The following CCL24 variants were observed in gnomAD, a reference collection of about 807,000 sequenced individuals.
CCL24 encodes the protein C-C motif chemokine 24.
Under a neutral mutation model 8.6 loss-of-function variants are expected in CCL24, and 6 were observed. The ratio of observed to expected loss-of-function variants is 0.70; its 90% CI spans 0.38 to 1.38. The LOEUF (loss-of-function observed/expected upper bound fraction) is 1.38. Among genes scored for constraint, CCL24 ranks in the 40% most tolerant of loss-of-function variants. The pLI is 0.02. For missense variants in CCL24, 126 were observed against 147.1 expected (o/e 0.86, Z 0.74); for synonymous variants, 59 against 52.7 (o/e 1.12, Z -0.52).
intron 2 of CCL24, 38 bp downstream of exon 2, chr7:75,813,268 C>G: frequency 2.3e-6 from 3 of 1,286,054 alleles, no homozygotes; most frequent in Non-Finnish European, 3.4e-6. Flanking sequence ...CACCTGCCCC[C>G]ACCCCTCTCC....
At chr7:75,820,106 CCTT>C (rs71534425) in intron 1 of CCL24, among the ~76,000 whole-genome samples, 15,091 of 70,758 alleles carry the variant, frequency 0.21, 2,510 homozygotes, top group Non-Finnish European at 0.26. Flanking sequence ...TCTTCTTCTT[CCTT>C]CTTCTTCTTC....
chr7:75,817,189 C>T (rs925393604), upstream of CCL24, among the ~76,000 whole-genome samples: 3 of 151,852 alleles, frequency 2.0e-5, no homozygotes, highest in African/African-American at 7.3e-5. Flanking sequence ...TATGACAGCT[C>T]TTCTAATTTT....
chr7:75,813,459 C>T (rs782384678), intron 1 of CCL24, 36 bp from the exon 2 acceptor site: 1 of 1,489,728 alleles, frequency 6.7e-7, no homozygotes, highest in Middle Eastern at 1.9e-4. Context: ...ACGTCTTTTC[C>T]CAGCCTCCCC....
chr7:75,819,684 G>T (rs1803983193), intron 1 of CCL24, among the ~76,000 whole-genome samples: 1 of 151,882 alleles, frequency 6.6e-6, no homozygotes, highest in Admixed American at 6.6e-5. Context: ...AGGGGGCACT[G>T]GATCTGATGG....
At position 75,811,703 on chromosome 7, in the gene CCL24, A is replaced by C. The variant is rs1803763805; in HGVS notation, c.*93T>G. 8.9e-7 allele frequency: 1 copy of C among 1,128,900 alleles called. No individual in the cohort carries two copies. The highest frequency in any genetic ancestry group is 2.5e-5 in the Admixed American group (1 of 39,608). The allele number at this position is 1,128,900 out of a possible 1,614,324, so 69.9% of individuals were successfully genotyped here. A position where few individuals can be genotyped will look rare whatever the true frequency, so the allele number is the denominator to read the frequency against. On this transcript the variant is annotated 3_prime_UTR_variant, in exon 3 of 3. Transcript: ENST00000222902. ...AGTGTTGCTAAGAAACAGGAAAATT[A>C]GCTCTTCCCCCCATCACTGTGGCTT... is the stretch of plus-strand genomic sequence containing the variant.
rs1554533379 is a variant in CCL24, at chr7:75,811,260, C to T, written c.*536G>A. Among the ~76,000 whole-genome samples, 1 of 151,648 alleles carries T rather than the reference C, an allele frequency of 6.6e-6. No individual in the cohort carries two copies. The highest frequency in any genetic ancestry group is 1.5e-5 in the Non-Finnish European group (1 of 67,924). On this transcript the variant is annotated 3_prime_UTR_variant, in exon 3 of 3. Transcript: ENST00000222902. Reference sequence around the variant, plus strand: ...TTGGGAGGCCGAGGCAGGTAGATCACTTGAGGCCAGGAGTTTGAGACCAGC... The same window carrying T: ...TTGGGAGGCCGAGGCAGGTAGATCATTTGAGGCCAGGAGTTTGAGACCAGC...
chr7:75,820,080 T>TTCTTCTTCTTCC (rs1804002270), intron 1 of CCL24, among the ~76,000 whole-genome samples: 8 of 137,490 alleles, frequency 5.8e-5, no homozygotes, highest in Non-Finnish European at 3.2e-5. Context: ...CTTCTTCTTC[T>TTCTTCTTCTTCC]TCTTCTTCCT....
chr7:75,813,652 T>A lies in CCL24; in HGVS notation c.64A>T (p.Ile22Phe). ...LFLGVCAHHIIPTGSVVIPSP... is the reference protein window; with the variant it reads ...LFLGVCAHHIFPTGSVVIPSP... ...CTGTCGGAGGTCTTACCCGTAGGGA[T>A]GATGTGGTGGGCACAGACACCAAGG... is the stretch of plus-strand genomic sequence containing the variant. The change falls in exon 1 of 3, where the codon ATC (isoleucine) becomes TTC (phenylalanine). Residue 22 changes from isoleucine to phenylalanine, a missense_variant. Physicochemically the swap from Ile to Phe is conservative, Grantham distance 21. Coordinates refer to ENST00000222902, the MANE Select transcript of CCL24 (RefSeq NM_002991.3). 2 of 1,613,582 alleles carry A rather than the reference T, an allele frequency of 1.2e-6. No homozygotes were observed. The highest frequency in any genetic ancestry group is 8.5e-7 in the Non-Finnish European group (1 of 1,179,484).
intron 1 of CCL24, among the ~76,000 whole-genome samples, chr7:75,822,633 C>T (rs144765877): frequency 6.6e-6 from 1 of 152,076 alleles, no homozygotes; most frequent in African/African-American, 2.4e-5. Flanking sequence ...AGTTCGAGAC[C>T]AGCCTGGCCA....
At chr7:75,817,117 C>G (rs11976970), upstream of CCL24, among the ~76,000 whole-genome samples, 1 of 152,142 alleles carries the variant, frequency 6.6e-6, no homozygotes, top group Non-Finnish European at 1.5e-5. Flanking sequence ...CCTCCCACCT[C>G]GACCTCCCAA....
upstream of CCL24, among the ~76,000 whole-genome samples, chr7:75,815,066 C>T (rs873973): frequency 0.13 from 19,244 of 151,938 alleles, 1,447 homozygotes; most frequent in Non-Finnish European, 0.17. Flanking sequence ...GGGCCGGGAG[C>T]GGTGGCTCAT....
At chr7:75,813,857 G>A (rs1024802078), upstream of CCL24, 6 of 585,774 alleles carry the variant, frequency 1.0e-5, no homozygotes, top group Non-Finnish European at 1.6e-5. Context: ...AAGGAAACAC[G>A]CCCCCGAGCC....
chr7:75,817,420 G>T (rs1249519982), upstream of CCL24, among the ~76,000 whole-genome samples: 1 of 152,022 alleles, frequency 6.6e-6, no homozygotes, highest in South Asian at 2.1e-4. Flanking sequence ...TCATTGGGTG[G>T]GAGTGTGTGG....
chr7:75,813,967 G>C (rs1554533808), upstream of CCL24, among the ~76,000 whole-genome samples: 1 of 152,084 alleles, frequency 6.6e-6, no homozygotes, highest in Non-Finnish European at 1.5e-5. Flanking sequence ...CTTGGGCTCC[G>C]AACGAAAGAA....
chr7:75,822,892 T>C (rs1010379034), intron 1 of CCL24, among the ~76,000 whole-genome samples: 1 of 152,174 alleles, frequency 6.6e-6, no homozygotes, highest in Non-Finnish European at 1.5e-5. Flanking sequence ...TCAAGACTCC[T>C]AAGCCACGAT....
chr7:75,820,872 C>T (rs116617793), intron 1 of CCL24, among the ~76,000 whole-genome samples: 1,570 of 151,202 alleles, frequency 0.01, 35 homozygotes, highest in African/African-American at 0.036. Flanking sequence ...TCTATCCATC[C>T]ACTCATCTAT....
upstream of CCL24, among the ~76,000 whole-genome samples, chr7:75,815,892 A>G (rs1233089107): frequency 1.3e-5 from 2 of 152,160 alleles, no homozygotes; most frequent in Admixed American, 6.6e-5. Flanking sequence ...ACAGGCTTCA[A>G]TTATGCCTAA....
At chr7:75,813,456 TTCCCAGCC>T in intron 1 of CCL24, 33 bp from the exon 2 acceptor site, 8 of 1,503,228 alleles carry the variant, frequency 5.3e-6, no homozygotes, top group Non-Finnish European at 7.4e-6. Flanking sequence ...GCCACGTCTT[TTCCCAGCC>T]TCCCCTTGGC....
upstream of CCL24, among the ~76,000 whole-genome samples, chr7:75,817,924 A>G (rs1199776904): frequency 1.7e-4 from 25 of 148,170 alleles, 1 homozygote; most frequent in Admixed American, 1.5e-3. Context: ...TCCGCCCCCC[A>G]GGTTCAAGCA....
Sources: gnomAD v4.1 joint callset for allele counts (sites outside exome capture counted in the v4.1 genomes callset) on GRCh38, gnomAD v4.1.1 for gene constraint, MANE v1.5 for transcripts, NCBI Gene and HGNC (gene_info 2026-07-23, HGNC 2026-07-21) for gene names.